The following EML5 variants were observed in gnomAD, a reference collection of about 807,000 sequenced individuals.
EML5 encodes the protein echinoderm microtubule-associated protein-like 5.
Under a neutral mutation model 250.0 loss-of-function variants are expected in EML5, and 120 were observed. That is an observed-to-expected ratio of 0.48 (90% CI 0.41 to 0.56). The LOEUF (loss-of-function observed/expected upper bound fraction) is 0.56. Ranked by LOEUF, EML5 falls within the 20% of genes least tolerant of loss-of-function variation. The probability of loss-of-function intolerance (pLI) is 0.00; values close to 1 mark genes in which losing one functional copy is unlikely to be tolerated. For missense variants in EML5, 2,006 were observed against 2,437.6 expected (o/e 0.82, Z 3.73); for synonymous variants, 771 against 806.5 (o/e 0.96, Z 0.75).
chr14:88,638,762 C>T (rs1307670882), intron 32 of EML5, 47 bp downstream of exon 32: 2 of 1,437,380 alleles, frequency 1.4e-6, no homozygotes, highest in East Asian at 4.9e-5. Context: ...TTTATTTGAA[C>T]AAAGCAAATG....
chr14:88,656,486 A>G (rs1016211279), intron 27 of EML5, among the ~76,000 whole-genome samples: 2 of 152,058 alleles, frequency 1.3e-5, no homozygotes, highest in Admixed American at 1.3e-4. Flanking sequence ...GAGCTAGGGG[A>G]GGGATAGCAT....
chr14:88,618,095 T>C (rs1385244780), intron 41 of EML5, 133 bp downstream of exon 41: 15 of 616,480 alleles, frequency 2.4e-5, no homozygotes, highest in African/African-American at 3.6e-5. Context: ...GAACATACCA[T>C]TTCAAAATAT....
At chr14:88,665,676 T>G (rs1595439293) in intron 21 of EML5, among the ~76,000 whole-genome samples, 187 bp from the exon 22 acceptor site, 1 of 148,928 alleles carries the variant, frequency 6.7e-6, no homozygotes, top group Admixed American at 6.7e-5. Context: ...GTAGGCAGAG[T>G]AGGGGAAGGG....
At chr14:88,778,563 G>A (rs1329875260) in intron 1 of EML5, among the ~76,000 whole-genome samples, 2 of 152,190 alleles carry the variant, frequency 1.3e-5, no homozygotes, top group South Asian at 2.1e-4. Flanking sequence ...GGTGGATCAC[G>A]AGGTCAGGAG....
At chr14:88,678,278 G>C (rs180709243) in intron 21 of EML5, among the ~76,000 whole-genome samples, 3 of 152,232 alleles carry the variant, frequency 2.0e-5, no homozygotes, top group Admixed American at 2.0e-4. Context: ...ACACACTGGG[G>C]CCTCTTGGGG....
chr14:88,703,253 T>G (rs1164136805), intron 13 of EML5, among the ~76,000 whole-genome samples: 1 of 152,198 alleles, frequency 6.6e-6, no homozygotes, highest in Non-Finnish European at 1.5e-5. Context: ...GTAAAAGGTA[T>G]AGAAAAGTAT....
chr14:88,634,446 A>G (rs1381435724), intron 33 of EML5, 23 bp downstream of exon 33: 3 of 1,451,882 alleles, frequency 2.1e-6, no homozygotes, highest in Non-Finnish European at 2.8e-6. Context: ...TAAATAAAGC[A>G]GAAAATGTTT....
At chr14:88,629,041 T>C (rs1287263405) in intron 33 of EML5, among the ~76,000 whole-genome samples, 2 of 152,104 alleles carry the variant, frequency 1.3e-5, no homozygotes, top group East Asian at 1.9e-4. Context: ...CCCCAAGGCA[T>C]AGGTAAACTT....
Position 88,688,298 on chromosome 14 carries a change from T to C in EML5, c.2715A>G (p.Pro905=), listed in dbSNP as rs1285742770. 1.2e-6 allele frequency: 2 copies of C among 1,613,876 alleles called. No individual in the cohort carries two copies. Among genetic ancestry groups the C allele is most frequent in the Non-Finnish European group, 8.5e-7 (1 of 1,179,894 alleles). ...LVKTVKAHDG[P]VFSMHALEKG... is the part of the protein sequence containing the mutation. ...TTTCCAATGCATGCATACTGAACAC[T>C]GGCCCATCATGCGCTTTCACTGTTT... Residue 905 remains proline, a synonymous_variant, in exon 18 of 44, where the codon CCA becomes CCG. Coordinates refer to ENST00000554922, the MANE Select transcript of EML5 (RefSeq NM_183387.3).
chr14:88,701,233 TTC>T (rs1403148639), intron 14 of EML5, among the ~76,000 whole-genome samples: 7 of 152,150 alleles, frequency 4.6e-5, no homozygotes, highest in Non-Finnish European at 1.0e-4. Context: ...GAAGTGGGTG[TTC>T]CTGGCTTCTA....
intron 33 of EML5, among the ~76,000 whole-genome samples, 198 bp downstream of exon 33, chr14:88,634,271 A>T (rs185165186): frequency 6.6e-6 from 1 of 152,276 alleles, no homozygotes; most frequent in East Asian, 1.9e-4. Flanking sequence ...CCATGATTGT[A>T]AATTTCCTGA....
intron 5 of EML5, among the ~76,000 whole-genome samples, chr14:88,739,775 A>C (rs1810137554): frequency 6.6e-6 from 1 of 152,082 alleles, no homozygotes; most frequent in African/African-American, 2.4e-5. Context: ...GAATAAAGGA[A>C]AGAAAACCAA....
rs1202653478 is a variant in EML5 at position 88,616,768 on chromosome 14, A to C, written c.5754T>G (p.Phe1918Leu). The change falls in exon 42 of 44, where the codon TTT becomes TTG. Residue 1918 changes from phenylalanine to leucine, a missense_variant. Coordinates refer to ENST00000554922, the MANE Select transcript of EML5 (RefSeq NM_183387.3). The stretch of plus-strand genomic sequence containing the variant: ...GGAAGTCAAATAACTTAACCATGCC[A>C]AAGTCATCTCCTGTAACAAGACTGA... Reference protein sequence around the residue: ...SGISLVTGDDFGMVKLFDFPC... With the variant: ...SGISLVTGDDLGMVKLFDFPC... The C allele has an allele frequency of 2.5e-6, 4 of 1,613,812 alleles. No individual in the cohort carries two copies. The African/African-American group carries it at 4.0e-5, about 16-fold the overall frequency.
At chr14:88,774,109 ACT>A (rs2094423883) in intron 1 of EML5, among the ~76,000 whole-genome samples, 1 of 152,168 alleles carries the variant, frequency 6.6e-6, no homozygotes. Flanking sequence ...CGAGAGCGAG[ACT>A]CTGTCTCAAA....
At chr14:88,734,011 TA>T (rs534801012) in intron 7 of EML5, among the ~76,000 whole-genome samples, 13 of 145,136 alleles carry the variant, frequency 9.0e-5, no homozygotes, top group Non-Finnish European at 7.6e-5. Flanking sequence ...CTACACGAAG[TA>T]AAAAAAAAAG....
intron 7 of EML5, among the ~76,000 whole-genome samples, chr14:88,729,104 C>T (rs1311793120): frequency 6.7e-6 from 1 of 149,626 alleles, no homozygotes; most frequent in Non-Finnish European, 1.5e-5. Flanking sequence ...TATATATAAC[C>T]AACTGAGAAT....
Position 88,615,589 on chromosome 14 carries a change from ATCCT to A in EML5, c.*225_*228del. 2 of 475,650 alleles carry A rather than the reference ATCCT, an allele frequency of 4.2e-6. No individual in the cohort carries two copies. The highest frequency in any genetic ancestry group is 7.4e-6 in the Non-Finnish European group (2 of 271,610). 29.5% of individuals were successfully genotyped at this position (475,650 alleles called of 1,614,324 possible). On this transcript the variant is annotated 3_prime_UTR_variant, in exon 44 of 44. Transcript: ENST00000554922. ...CTTGGCCTTTACCATCAAGTATTCG[ATCCT>A]TCCTTGAAATGGCATTATCTGGCAG...
At chr14:88,616,921 G>A (rs755051180) in intron 41 of EML5, 42 bp from the exon 42 acceptor site, 9 of 1,593,516 alleles carry the variant, frequency 5.6e-6, no homozygotes, top group Middle Eastern at 1.7e-4. Flanking sequence ...TGGCAAGTGC[G>A]GGCAGGTTGA....
chr14:88,746,512 C>T (rs2094006451), intron 2 of EML5, among the ~76,000 whole-genome samples: 1 of 152,058 alleles, frequency 6.6e-6, no homozygotes, highest in Non-Finnish European at 1.5e-5. Flanking sequence ...CCATTTCTAA[C>T]AGTAGGATTG....
Sources: gnomAD v4.1 joint callset for allele counts (sites outside exome capture counted in the v4.1 genomes callset) on GRCh38, gnomAD v4.1.1 for gene constraint, MANE v1.5 for transcripts, NCBI Gene and HGNC (gene_info 2026-07-23, HGNC 2026-07-21) for gene names.